The following ARHGAP31 variants were observed in gnomAD, a reference collection of about 807,000 sequenced individuals.
ARHGAP31 encodes the protein rho GTPase-activating protein 31.
ARHGAP31 carries 34 observed loss-of-function variants against 113.9 expected under a neutral mutation model. That is an observed-to-expected ratio of 0.30 (90% confidence interval 0.23 to 0.40). The LOEUF (loss-of-function observed/expected upper bound fraction) is 0.40, where lower values mean the gene tolerates loss of function less well. ARHGAP31 is among the 10% of genes least tolerant of loss of function. The pLI is 1.00. For synonymous variants in ARHGAP31, 650 were observed against 684.8 expected (o/e 0.95, Z 0.79); for missense variants, 1,548 against 1,767.1 (o/e 0.88, Z 2.22).
At chr3:119,369,941 G>C (rs1473116704) in intron 3 of ARHGAP31, among the ~76,000 whole-genome samples, 4 of 149,496 alleles carry the variant, frequency 2.7e-5, no homozygotes, top group Admixed American at 2.7e-4. Context: ...AATAGGGGGA[G>C]AAATGAAGAT....
chr3:119,384,486 G>T (rs2080431448), intron 6 of ARHGAP31, among the ~76,000 whole-genome samples: 1 of 152,192 alleles, frequency 6.6e-6, no homozygotes, highest in Non-Finnish European at 1.5e-5. Context: ...GGTTCCAGAG[G>T]CTGGGAAGTC....
intron 4 of ARHGAP31, 129 bp downstream of exon 4, chr3:119,381,115 G>A: frequency 1.1e-6 from 1 of 883,512 alleles, no homozygotes; most frequent in Non-Finnish European, 1.8e-6. Context: ...AGGGCATTTT[G>A]AAGTTGGTGA....
At chr3:119,359,136 G>A (rs2107619906) in intron 1 of ARHGAP31, among the ~76,000 whole-genome samples, 1 of 151,880 alleles carries the variant, frequency 6.6e-6, no homozygotes, top group South Asian at 2.1e-4. Flanking sequence ...TCCTGCCTCA[G>A]CCTCCTGAGT....
intron 10 of ARHGAP31, among the ~76,000 whole-genome samples, chr3:119,403,721 T>C (rs760244176): frequency 2.0e-5 from 3 of 152,180 alleles, no homozygotes; most frequent in Non-Finnish European, 4.4e-5. Flanking sequence ...GACTGAGCCT[T>C]CATAAATGGG....
At chr3:119,387,437 T>A (rs1280103074) in intron 6 of ARHGAP31, among the ~76,000 whole-genome samples, 1 of 152,248 alleles carries the variant, frequency 6.6e-6, no homozygotes, top group Non-Finnish European at 1.5e-5. Context: ...TATAATCATA[T>A]CTAAGATCTA....
At position 119,294,779 on chromosome 3, in the gene ARHGAP31, T is replaced by A; in HGVS notation, c.-126T>A. 3 of 911,518 alleles carry A rather than the reference T, an allele frequency of 3.3e-6. No homozygotes were observed. The South Asian group carries it at 4.1e-5, about 12-fold the overall frequency. 56.5% of individuals were successfully genotyped at this position (911,518 alleles called of 1,614,324 possible). A position where few individuals can be genotyped will look rare whatever the true frequency, so the allele number is the denominator to read the frequency against. On this transcript the variant is annotated 5_prime_UTR_variant, in exon 1 of 12. Coordinates refer to ENST00000264245, the MANE Select transcript of ARHGAP31 (RefSeq NM_020754.4). The stretch of plus-strand genomic sequence containing the variant: ...GCGCAGGGCCCCCAGCCCAAGTTCT[T>A]CCATCTTCCGATGCGGCCCCCCAGA...
At chr3:119,328,671 C>T (rs974012829) in intron 1 of ARHGAP31, among the ~76,000 whole-genome samples, 5 of 151,920 alleles carry the variant, frequency 3.3e-5, no homozygotes, top group African/African-American at 1.2e-4. Context: ...GACAGAGTCT[C>T]ACTGTGTTGC....
chr3:119,336,727 T>A (rs1334177413), intron 1 of ARHGAP31, among the ~76,000 whole-genome samples: 1 of 152,226 alleles, frequency 6.6e-6, no homozygotes, highest in Admixed American at 6.5e-5. Flanking sequence ...TCATATGCTA[T>A]ACAACAATGA....
At chr3:119,367,765 G>A (rs1214316460) in intron 2 of ARHGAP31, among the ~76,000 whole-genome samples, 1 of 151,420 alleles carries the variant, frequency 6.6e-6, no homozygotes, top group Non-Finnish European at 1.5e-5. Flanking sequence ...GCTGAGGCAG[G>A]AGAATCACTT....
In ARHGAP31 at chr3:119,414,634, T is replaced by C. The variant is rs1002113940; in HGVS notation, c.2705T>C (p.Leu902Pro). ...GTGACAGACATTGCCCAGCATGGCCTGGAGATGGTGGAGCCCTGGGAGGAA... is the reference window on the plus strand; with the variant it reads ...GTGACAGACATTGCCCAGCATGGCCCGGAGATGGTGGAGCCCTGGGAGGAA... Reference protein sequence around the residue: ...DTVTDIAQHGLEMVEPWEEPQ... With the variant: ...DTVTDIAQHGPEMVEPWEEPQ... The change falls in exon 12 of 12, where the codon CTG becomes CCG. Residue 902 changes from leucine (L) to proline (P), a missense_variant. Physicochemically the swap from Leu to Pro is moderately conservative, Grantham distance 98. Coordinates refer to ENST00000264245, the MANE Select transcript of ARHGAP31 (RefSeq NM_020754.4). 6.2e-7 allele frequency: 1 copy of C among 1,614,056 alleles called. No individual in the cohort carries two copies. The highest frequency in any genetic ancestry group is 1.3e-5 in the African/African-American group (1 of 74,924).
chr3:119,414,638 G>A lies in ARHGAP31; in HGVS notation c.2709G>A (p.Glu903=). Residue 903 remains glutamate (E), a synonymous_variant, in exon 12 of 12, where the codon GAG becomes GAA. Transcript: ENST00000264245. ...TVTDIAQHGL[E]MVEPWEEPQW... is the part of the protein sequence containing the mutation. Reference sequence around the variant, plus strand: ...CAGACATTGCCCAGCATGGCCTGGAGATGGTGGAGCCCTGGGAGGAACCCC... The same window carrying A: ...CAGACATTGCCCAGCATGGCCTGGAAATGGTGGAGCCCTGGGAGGAACCCC... The A allele has an allele frequency of 6.2e-7, 1 of 1,614,220 alleles. No individual in the cohort carries two copies. The highest frequency in any genetic ancestry group is 8.5e-7 in the Non-Finnish European group (1 of 1,180,030).
At chr3:119,381,507 A>T (rs2080396672) in intron 4 of ARHGAP31, among the ~76,000 whole-genome samples, 1 of 152,068 alleles carries the variant, frequency 6.6e-6, no homozygotes. Context: ...GCAGATTTTG[A>T]TGTGGTATAA....
In ARHGAP31 at chr3:119,402,358, C is replaced by T. The variant is rs1205425574; in HGVS notation, c.1606C>T (p.Pro536Ser). 6.2e-7 allele frequency: 1 copy of T among 1,613,574 alleles called. No individual in the cohort carries two copies. Among genetic ancestry groups the T allele is most frequent in the Admixed American group, 1.7e-5 (1 of 60,012 alleles). Residue 536 changes from proline (P) to serine (S), a missense_variant, in exon 10 of 12, where the codon CCA (proline) becomes TCA (serine). Coordinates refer to ENST00000264245, the MANE Select transcript of ARHGAP31 (RefSeq NM_020754.4). ...SFHGSESGGW[P>S]EEEKPLGAET... ...TCATGGATCAGAGAGCGGAGGCTGG[C>T]CAGAAGAAGAGAAACCGCTGGGAGC...
At chr3:119,407,355 A>G (rs201807683) in intron 10 of ARHGAP31, among the ~76,000 whole-genome samples, 4 of 135,722 alleles carry the variant, frequency 2.9e-5, no homozygotes, top group South Asian at 2.2e-4. Context: ...TCGAAAAAAA[A>G]AAAGAAAGAA....
intron 1 of ARHGAP31, among the ~76,000 whole-genome samples, chr3:119,363,364 C>T (rs989079952): frequency 1.3e-5 from 2 of 152,138 alleles, no homozygotes; most frequent in Non-Finnish European, 2.9e-5. Context: ...CAGGCAGAGG[C>T]TCTGGACCCC....
chr3:119,320,954 T>C (rs1032558563), intron 1 of ARHGAP31, among the ~76,000 whole-genome samples: 1 of 151,946 alleles, frequency 6.6e-6, no homozygotes, highest in African/African-American at 2.4e-5. Flanking sequence ...AAAACGGGAG[T>C]CTCCTTGCAA....
chr3:119,331,564 T>C (rs1346328123), intron 1 of ARHGAP31, among the ~76,000 whole-genome samples: 1 of 152,178 alleles, frequency 6.6e-6, no homozygotes, highest in Non-Finnish European at 1.5e-5. Flanking sequence ...TGAATATTCA[T>C]GAGTCCTTGA....
intron 1 of ARHGAP31, among the ~76,000 whole-genome samples, chr3:119,320,838 G>C (rs1177786312): frequency 6.6e-6 from 1 of 152,074 alleles, no homozygotes; most frequent in African/African-American, 2.4e-5. Context: ...GAATTCCCAC[G>C]TGTTGTGGGA....
intron 1 of ARHGAP31, among the ~76,000 whole-genome samples, chr3:119,335,624 G>A (rs2079937879): frequency 6.6e-6 from 1 of 152,210 alleles, no homozygotes; most frequent in African/African-American, 2.4e-5. Flanking sequence ...TAGGCGAAGA[G>A]GAGTATGTGG....
Sources: allele counts gnomAD v4.1 joint callset (sites outside exome capture counted in the v4.1 genomes callset), GRCh38; gene constraint gnomAD v4.1.1; transcripts MANE v1.5; gene names NCBI Gene and HGNC (gene_info 2026-07-23, HGNC 2026-07-21).